The following ZBTB7C variants were observed in gnomAD, a reference collection of about 807,000 sequenced individuals.
The protein encoded by ZBTB7C is zinc finger and BTB domain containing 7C.
ZBTB7C carries 8 observed loss-of-function variants against 25.7 expected under a neutral mutation model. The ratio of observed to expected loss-of-function variants is 0.31; its 90% CI spans 0.18 to 0.56. ZBTB7C has a LOEUF of 0.56. Among genes scored for constraint, ZBTB7C ranks in the 20% least tolerant of loss-of-function variants. The probability of loss-of-function intolerance (pLI) is 0.91; values close to 1 mark genes in which losing one functional copy is unlikely to be tolerated. For missense variants in ZBTB7C, 824 were observed against 855.2 expected, an observed-to-expected ratio of 0.96 and a Z score of 0.46; for synonymous variants, 394 against 369.0, an observed-to-expected ratio of 1.07 and a Z score of -0.78.
chr18:48,390,089 T>C (rs2047864324), intron 1 of ZBTB7C, among the ~76,000 whole-genome samples: 1 of 152,246 alleles, frequency 6.6e-6, no homozygotes, highest in Admixed American at 6.5e-5. Context: ...ATCTGCTGGC[T>C]TGTCCTGAGA....
chr18:48,047,513 G>T (rs2036521966), intron 3 of ZBTB7C, among the ~76,000 whole-genome samples: 1 of 152,164 alleles, frequency 6.6e-6, no homozygotes, highest in South Asian at 2.1e-4. Flanking sequence ...GAAGAAAGAG[G>T]TTAAAGAAGA....
At chr18:48,245,542 G>C (rs368156874) in intron 2 of ZBTB7C, among the ~76,000 whole-genome samples, 17 of 144,246 alleles carry the variant, frequency 1.2e-4, no homozygotes, top group African/African-American at 4.3e-4. Context: ...ATACGCTCAA[G>C]AGTAAAAACA....
At chr18:48,343,335 T>C (rs2046648883) in intron 1 of ZBTB7C, among the ~76,000 whole-genome samples, 1 of 152,140 alleles carries the variant, frequency 6.6e-6, no homozygotes, top group South Asian at 2.1e-4. Flanking sequence ...CCTGTGTTTG[T>C]CCCCACCATG....
intron 1 of ZBTB7C, among the ~76,000 whole-genome samples, chr18:48,376,042 C>G (rs1450464868): frequency 5.9e-5 from 9 of 152,232 alleles, no homozygotes; most frequent in Admixed American, 5.9e-4. Flanking sequence ...AAAGTTTCTG[C>G]TTCTGCAGTT....
chr18:48,156,832 TTC>T (rs1491105487), intron 3 of ZBTB7C, among the ~76,000 whole-genome samples: 1 of 151,746 alleles, frequency 6.6e-6, no homozygotes, highest in African/African-American at 2.4e-5. Flanking sequence ...CTTTTTTTTT[TTC>T]CCCGAGAGCG....
At chr18:48,167,145 C>T (rs2041277172) in intron 3 of ZBTB7C, among the ~76,000 whole-genome samples, 1 of 152,190 alleles carries the variant, frequency 6.6e-6, no homozygotes, top group African/African-American at 2.4e-5. Context: ...CCAGACCCTT[C>T]CTCCACCCTT....
chr18:48,365,637 G>A (rs2047205362), intron 1 of ZBTB7C, among the ~76,000 whole-genome samples: 1 of 152,080 alleles, frequency 6.6e-6, no homozygotes, highest in Non-Finnish European at 1.5e-5. Flanking sequence ...CTGGATTGCA[G>A]TCTTATAAGG....
chr18:48,038,812 T>A (rs1005968456), intron 4 of ZBTB7C, among the ~76,000 whole-genome samples: 4 of 152,112 alleles, frequency 2.6e-5, no homozygotes, highest in Non-Finnish European at 5.9e-5. Context: ...TAGTAAGTCA[T>A]GTTCACAGGG....
At chr18:48,120,038 G>T (rs991315356) in intron 3 of ZBTB7C, among the ~76,000 whole-genome samples, 1 of 152,154 alleles carries the variant, frequency 6.6e-6, no homozygotes, top group Admixed American at 6.5e-5. Flanking sequence ...GTCAGTCTAG[G>T]GTGGGGTCTG....
chr18:48,167,997 G>C (rs1326751875), intron 3 of ZBTB7C, among the ~76,000 whole-genome samples: 1 of 152,204 alleles, frequency 6.6e-6, no homozygotes, highest in Non-Finnish European at 1.5e-5. Context: ...GGAGGGGAAA[G>C]GACTATCAAA....
chr18:48,141,149 C>T (rs1486186994), intron 3 of ZBTB7C, among the ~76,000 whole-genome samples: 1 of 147,520 alleles, frequency 6.8e-6, no homozygotes, highest in Non-Finnish European at 1.5e-5. Flanking sequence ...CCGCACCACC[C>T]CCCCCACTGT....
At chr18:48,045,780 T>C (rs916664536) in intron 3 of ZBTB7C, among the ~76,000 whole-genome samples, 2 of 152,212 alleles carry the variant, frequency 1.3e-5, no homozygotes, top group Non-Finnish European at 2.9e-5. Flanking sequence ...CTCTGCTAGA[T>C]TGTAAGCTGC....
chr18:48,295,819 C>A (rs1369131029), intron 2 of ZBTB7C, among the ~76,000 whole-genome samples: 1 of 152,058 alleles, frequency 6.6e-6, no homozygotes, highest in Non-Finnish European at 1.5e-5. Context: ...CTCAGCCCAG[C>A]AGCAGCAGGA....
At chr18:48,295,121 G>A (rs2144709954) in intron 2 of ZBTB7C, among the ~76,000 whole-genome samples, 1 of 152,272 alleles carries the variant, frequency 6.6e-6, no homozygotes, top group East Asian at 1.9e-4. Flanking sequence ...CCACAGGGGA[G>A]AAGCCCAGGC....
chr18:48,055,410 CAAAAAAAA>C (rs57782791), intron 3 of ZBTB7C, among the ~76,000 whole-genome samples: 1 of 72,790 alleles, frequency 1.4e-5, no homozygotes, highest in Non-Finnish European at 2.6e-5. Flanking sequence ...ACTCAAGTCT[CAAAAAAAA>C]AAAAAAAAAA....
At chr18:48,343,268 A>G (rs2046646860) in intron 1 of ZBTB7C, among the ~76,000 whole-genome samples, 1 of 152,118 alleles carries the variant, frequency 6.6e-6, no homozygotes, top group African/African-American at 2.4e-5. Context: ...TCTAGAAGGT[A>G]TTCTAGTCCT....
intron 2 of ZBTB7C, among the ~76,000 whole-genome samples, chr18:48,300,561 C>T (rs779411090): frequency 2.0e-5 from 3 of 152,052 alleles, no homozygotes; most frequent in Non-Finnish European, 4.4e-5. Flanking sequence ...CTACAGATAC[C>T]AAGCAGGGAG....
chr18:48,180,087 C>T (rs2041863334), intron 3 of ZBTB7C, among the ~76,000 whole-genome samples: 1 of 87,226 alleles, frequency 1.1e-5, no homozygotes, highest in South Asian at 3.9e-4. Flanking sequence ...GAAGATATTT[C>T]CCCTTCCTTC....
chr18:48,409,780 C>A (rs990446447), upstream of ZBTB7C, among the ~76,000 whole-genome samples: 177 of 152,218 alleles, frequency 1.2e-3, no homozygotes, highest in African/African-American at 4.0e-3. Flanking sequence ...CTCGGGGCTC[C>A]GCGTCTTTTC....
Sources: gnomAD v4.1 joint callset for allele counts (sites outside exome capture counted in the v4.1 genomes callset) on GRCh38, gnomAD v4.1.1 for gene constraint, MANE v1.5 for transcripts, NCBI Gene and HGNC (gene_info 2026-07-23, HGNC 2026-07-21) for gene names.